The following SMC4 variants were observed in gnomAD, a reference collection of about 807,000 sequenced individuals.
SMC4 encodes structural maintenance of chromosomes protein 4.
A neutral mutation model predicts 145.6 loss-of-function variants in SMC4; 87 were observed. That is an observed-to-expected ratio of 0.60 (90% CI 0.50 to 0.71). The LOEUF is 0.71. Ranked by LOEUF, SMC4 falls within the 30% of genes least tolerant of loss-of-function variation. The pLI, the probability that SMC4 is intolerant of heterozygous loss-of-function variation, is 0.00. For missense variants in SMC4, 1,447 were observed against 1,537.1 expected (o/e 0.94, Z 0.98); for synonymous variants, 558 against 500.7 (o/e 1.11, Z -1.53).
In SMC4 at chr3:160,404,509, G is replaced by A; in HGVS notation, c.687+5G>A. ...AATAGATTTTTAATTTTACAGGTAAGTTTATTAAAGACTTCAAAGATTCTC... is the reference window on the plus strand; with the variant it reads ...AATAGATTTTTAATTTTACAGGTAAATTTATTAAAGACTTCAAAGATTCTC... On this transcript the variant is annotated splice_donor_5th_base_variant and intron_variant, in intron 5 of 23. Transcript: ENST00000357388. The A allele has an allele frequency of 6.2e-7, 1 of 1,603,268 alleles. No individual in the cohort carries two copies. The highest frequency in any genetic ancestry group is 8.5e-7 in the Non-Finnish European group (1 of 1,175,894).
chr3:160,414,194 A>C (rs1041049181), intron 8 of SMC4, 173 bp from the exon 9 acceptor site: 5 of 639,966 alleles, frequency 7.8e-6, no homozygotes, highest in Non-Finnish European at 2.9e-6. Context: ...TCAAAAATAC[A>C]GGTGCTTCTT....
rs555459851 is a variant in SMC4, at chr3:160,413,321, C to A, written c.981-152C>A. On this transcript the variant is annotated intron_variant, in intron 7 of 23. Coordinates refer to ENST00000357388, the MANE Select transcript of SMC4 (RefSeq NM_001002800.3). The stretch of plus-strand genomic sequence containing the variant: ...TTTTGTTCCTAAATTCTAGCCTTGA[C>A]CCAGGGGGATTTTCCCCTCATAGCC... The A allele has an allele frequency of 2.2e-4, 151 of 701,728 alleles. 3 individuals carry two copies. In the South Asian group the frequency reaches 2.8e-3, roughly 13 times the overall value. 43.5% of individuals were successfully genotyped at this position (701,728 alleles called of 1,614,324 possible).
chr3:160,431,639 T>C lies in SMC4; in HGVS notation c.3115-4T>C. On this transcript the variant is annotated splice_polypyrimidine_tract_variant and splice_region_variant and intron_variant, in intron 20 of 23. Coordinates refer to ENST00000357388, the MANE Select transcript of SMC4 (RefSeq NM_001002800.3). Reference sequence around the variant, plus strand: ...TCTAACTCTCCCCTAAATTGAACTTTTAGATTTCAAAAATATCACTGCATC... The same window carrying C: ...TCTAACTCTCCCCTAAATTGAACTTCTAGATTTCAAAAATATCACTGCATC... The C allele has an allele frequency of 6.4e-7, 1 of 1,571,746 alleles. No individual in the cohort carries two copies. Among genetic ancestry groups the C allele is most frequent in the Non-Finnish European group, 8.6e-7 (1 of 1,166,476 alleles).
At chr3:160,423,893 A>G in intron 15 of SMC4, 53 bp downstream of exon 15, 2 of 1,462,102 alleles carry the variant, frequency 1.4e-6, no homozygotes, top group Non-Finnish European at 1.9e-6. Context: ...AAATAGCTTT[A>G]CCGAGGTATA....
Position 160,416,319 on chromosome 3 carries a change from T to A in SMC4, c.1341T>A (p.Asn447Lys), listed in dbSNP as rs1716580695. The A allele has an allele frequency of 6.2e-7, 1 of 1,603,162 alleles. No individual in the cohort carries two copies. The highest frequency in any genetic ancestry group is 1.4e-5 in the African/African-American group (1 of 73,722). The change falls in exon 10 of 24, where the codon AAT becomes AAA. Residue 447 changes from asparagine (N) to lysine (K), a missense_variant. Asn to Lys is a moderately conservative substitution (Grantham distance 94, BLOSUM62 0). Transcript: ENST00000357388. ...TTAATGAAACAACAACCAGAAACAA[T>A]GCCCTCGAGAAGGAAAAAGAGAAAG... ...NIINETTTRN[N>K]ALEKEKEKEE...
In SMC4 at chr3:160,420,844, T is replaced by C; in HGVS notation, c.1962T>C (p.Cys654=). 6.2e-7 allele frequency: 1 copy of C among 1,613,912 alleles called. No homozygotes were observed. Among genetic ancestry groups the C allele is most frequent in the Non-Finnish European group, 8.5e-7 (1 of 1,179,922 alleles). The change falls in exon 13 of 24, where the codon TGT becomes TGC. Residue 654 remains cysteine (C), a synonymous_variant. Coordinates refer to ENST00000357388, the MANE Select transcript of SMC4 (RefSeq NM_001002800.3). Reference sequence around the variant, plus strand: ...ATTCTATTGATATAGCCCAAGAATGTGTAAACTTCCTTAAAAGACAAAATA... The same window carrying C: ...ATTCTATTGATATAGCCCAAGAATGCGTAAACTTCCTTAAAAGACAAAATA... ...VVDSIDIAQE[C]VNFLKRQNIG...
chr3:160,402,870 A>T lies in SMC4; in HGVS notation c.510+3A>T. ...ATTTTCAAAAGATAATTGATAAGGT[A>T]AGGGATTTTTACTGTTATTGGCAAG... On this transcript the variant is annotated splice_donor_region_variant and intron_variant, in intron 4 of 23. Transcript: ENST00000357388. The T allele has an allele frequency of 6.5e-7, 1 of 1,548,762 alleles. No homozygotes were observed. Among genetic ancestry groups the T allele is most frequent in the Non-Finnish European group, 8.7e-7 (1 of 1,155,220 alleles).
At chr3:160,412,558 AT>A in intron 7 of SMC4, 105 bp downstream of exon 7, 2 of 1,397,904 alleles carry the variant, frequency 1.4e-6, no homozygotes, top group East Asian at 5.6e-5. Flanking sequence ...GTGAAAAAAA[AT>A]CTCTAAATAT....
At chr3:160,402,606 A>G (rs773362503) in intron 3 of SMC4, 70 bp from the exon 4 acceptor site, 69 of 1,456,082 alleles carry the variant, frequency 4.7e-5, no homozygotes, top group Middle Eastern at 2.3e-4. Flanking sequence ...TAACAGTTTC[A>G]GTTAAAATCA....
intron 5 of SMC4, among the ~76,000 whole-genome samples, chr3:160,410,364 A>G (rs1715851691): frequency 2.0e-5 from 3 of 152,342 alleles, no homozygotes; most frequent in South Asian, 2.1e-4. Context: ...ACAAACTTGA[A>G]TAAGACTCTT....
chr3:160,400,644 A>G (rs1714473942), intron 1 of SMC4, 178 bp from the exon 2 acceptor site: 1 of 701,194 alleles, frequency 1.4e-6, no homozygotes, highest in Non-Finnish European at 2.1e-6. Flanking sequence ...TTAAGAAACC[A>G]GTCCTGCCTT....
intron 15 of SMC4, among the ~76,000 whole-genome samples, chr3:160,424,625 A>G (rs1041919779): frequency 2.0e-5 from 3 of 152,092 alleles, no homozygotes; most frequent in Admixed American, 1.3e-4. Flanking sequence ...TGGCCAACAT[A>G]GGGAAACCAC....
rs560574188 is a variant in SMC4, at chr3:160,427,768, G to A, written c.2606-985G>A. On this transcript the variant is annotated intron_variant, in intron 17 of 23. Coordinates refer to ENST00000357388, the MANE Select transcript of SMC4 (RefSeq NM_001002800.3). The stretch of plus-strand genomic sequence containing the variant: ...AAAGGCTACAGTAAACCATTATATC[G>A]AAATCTGTGCAAACATTTTATATTT... 6.6e-5 allele frequency among the ~76,000 whole-genome samples: 10 copies of A among 152,048 alleles called. No individual in the cohort carries two copies. The East Asian group carries it at 1.2e-3, about 18-fold the overall frequency.
chr3:160,427,944 C>T, intron 17 of SMC4, among the ~76,000 whole-genome samples: 1 of 149,868 alleles, frequency 6.7e-6, no homozygotes, highest in Non-Finnish European at 1.5e-5. Flanking sequence ...CACGCACGCA[C>T]ACACACAAAC....
Position 160,419,433 on chromosome 3 carries a change from G to T in SMC4, c.1747G>T (p.Val583Phe). The T allele has an allele frequency of 6.2e-7, 1 of 1,612,570 alleles. No homozygotes were observed. The highest frequency in any genetic ancestry group is 8.5e-7 in the Non-Finnish European group (1 of 1,179,646). The change falls in exon 12 of 24, where the codon GTT becomes TTT. Residue 583 changes from valine to phenylalanine, a missense_variant. By Grantham distance (50) the Val-to-Phe change is conservative (BLOSUM62 -1). Transcript: ENST00000357388. ...TTTGGTTCATGATCTCTTTCAAAAA[G>T]TTGAAGAAGCAAAGAGCTCATTAGC... Reference protein sequence around the residue: ...KSLVHDLFQKVEEAKSSLAMN... With the variant: ...KSLVHDLFQKFEEAKSSLAMN...
At chr3:160,428,072 G>A (rs952012201) in intron 17 of SMC4, among the ~76,000 whole-genome samples, 18 of 152,202 alleles carry the variant, frequency 1.2e-4, no homozygotes, top group Admixed American at 1.1e-3. Context: ...CTGCGATGGC[G>A]CCACTGCACT....
Position 160,434,928 on chromosome 3 carries a change from TTTAAA to T in SMC4, c.*1121_*1125del, listed in dbSNP as rs1475143716. ...TGTAAACACATTATTAGCATGGACT[TTTAAA>T]TAAAGATTTAAAGAAAGCAAGATCG... On this transcript the variant is annotated 3_prime_UTR_variant, in exon 24 of 24. Coordinates refer to ENST00000357388, the MANE Select transcript of SMC4 (RefSeq NM_001002800.3). 2 of 152,176 alleles carry T rather than the reference TTTAAA, an allele frequency of 1.3e-5. No individual in the cohort carries two copies. The highest frequency in any genetic ancestry group is 2.9e-5 in the Non-Finnish European group (2 of 68,024). 9.4% of individuals were successfully genotyped at this position (152,176 alleles called of 1,614,324 possible).
intron 23 of SMC4, 43 bp downstream of exon 23, chr3:160,433,252 G>A: frequency 7.3e-7 from 1 of 1,372,562 alleles, no homozygotes; most frequent in East Asian, 2.3e-5. Flanking sequence ...AACTTTTAGG[G>A]GTATCCTAAA....
intron 5 of SMC4, among the ~76,000 whole-genome samples, chr3:160,405,776 T>C (rs1715258765): frequency 6.6e-6 from 1 of 152,080 alleles, no homozygotes; most frequent in Non-Finnish European, 1.5e-5. Flanking sequence ...TTGTGTGTTT[T>C]TAAAATCAAA....
Sources: gnomAD v4.1 joint callset for allele counts (sites outside exome capture counted in the v4.1 genomes callset) on GRCh38, gnomAD v4.1.1 for gene constraint, MANE v1.5 for transcripts, NCBI Gene and HGNC (gene_info 2026-07-23, HGNC 2026-07-21) for gene names.